Variants in TEX11 observed in about 807,000 individuals in gnomAD.
TEX11 encodes the protein testis-expressed protein 11.
In TEX11, 7 loss-of-function variants were observed where a neutral mutation model predicts 84.4. The ratio of observed to expected loss-of-function variants is 0.08; its 90% confidence interval spans 0.05 to 0.16. The LOEUF is 0.16. Among genes scored for constraint, TEX11 ranks in the 10% least tolerant of loss-of-function variants. The pLI is 1.00. For missense variants in TEX11, 551 were observed against 660.5 expected, an observed-to-expected ratio of 0.83 and a Z score of 1.82; for synonymous variants, 264 against 222.8, an observed-to-expected ratio of 1.18 and a Z score of -1.64.
At chrX:70,868,644 T>C (rs761034654) in intron 4 of TEX11, among the ~76,000 whole-genome samples, 4 of 111,546 alleles carry the variant, frequency 3.6e-5, no homozygotes, top group Non-Finnish European at 7.5e-5. Context: ...TCATCAATGA[T>C]AGACTGGATA....
At chrX:70,653,779 G>A (rs2089834184) in intron 16 of TEX11, among the ~76,000 whole-genome samples, 1 of 111,656 alleles carries the variant, frequency 9.0e-6, no homozygotes, top group Non-Finnish European at 1.9e-5. Context: ...GCCAAAATTT[G>A]GAAGCAACTA....
At chrX:70,781,483 A>G (rs2091038755) in intron 9 of TEX11, among the ~76,000 whole-genome samples, 1 of 112,108 alleles carries the variant, frequency 8.9e-6, no homozygotes, top group Admixed American at 9.5e-5. Flanking sequence ...AGTTCACAGA[A>G]TTAGGCTTCA....
chrX:70,770,792 A>T (rs1414320104), intron 9 of TEX11, among the ~76,000 whole-genome samples: 1 of 111,335 alleles, frequency 9.0e-6, no homozygotes, highest in African/African-American at 3.3e-5. Flanking sequence ...AGAAAGCAAC[A>T]GTATATTTTT....
chrX:70,850,148 T>C (rs936067448), intron 7 of TEX11, among the ~76,000 whole-genome samples: 1 of 112,043 alleles, frequency 8.9e-6, no homozygotes, highest in African/African-American at 3.2e-5. Context: ...TTCCATCCTG[T>C]GGAGTTTAAT....
chrX:70,804,005 A>T (rs57339650), intron 9 of TEX11, among the ~76,000 whole-genome samples: 8,015 of 110,033 alleles, frequency 0.073, 246 homozygotes, highest in East Asian at 0.12. Context: ...TTTTTTTTTT[A>T]ATTGTTCCAA....
At chrX:70,904,363 A>T (rs1456728151) in intron 2 of TEX11, among the ~76,000 whole-genome samples, 2 of 111,655 alleles carry the variant, frequency 1.8e-5, no homozygotes, top group Non-Finnish European at 3.8e-5. Context: ...AACAACACCC[A>T]TGTAAGATGA....
intron 25 of TEX11, among the ~76,000 whole-genome samples, chrX:70,570,046 T>C (rs1042868970): frequency 7.1e-5 from 8 of 112,022 alleles, no homozygotes; most frequent in Non-Finnish European, 1.1e-4. Flanking sequence ...CCTCGAGCTG[T>C]GGTGGGCTCC....
intron 16 of TEX11, among the ~76,000 whole-genome samples, chrX:70,661,031 G>A (rs937748286): frequency 3.6e-5 from 4 of 112,323 alleles, no homozygotes; most frequent in African/African-American, 1.3e-4. Flanking sequence ...GTGGGTGCAG[G>A]ACAGTGGGTG....
chrX:70,853,088 C>T lies in TEX11; in HGVS notation c.471G>A (p.Glu157=). ...AGTGGTCACTCTCAACAGTAATCTT[C>T]TCCATGGTCAAGTCAGCCTCAGGGG... ...RSSPEADLTM[E]KITVESDHFR... Residue 157 remains glutamate (E), a synonymous_variant, in exon 7 of 30, where the codon GAG becomes GAA. Coordinates refer to ENST00000374333, the MANE Select transcript of TEX11 (RefSeq NM_031276.3). 8.3e-7 allele frequency: 1 copy of T among 1,208,908 alleles called. No homozygotes were observed. Among genetic ancestry groups the T allele is most frequent in the Non-Finnish European group, 1.1e-6 (1 of 893,758 alleles).
At chrX:70,715,175 T>C (rs1167089857) in intron 13 of TEX11, among the ~76,000 whole-genome samples, 1 of 109,349 alleles carries the variant, frequency 9.1e-6, no homozygotes, top group Non-Finnish European at 1.9e-5. Flanking sequence ...GTTAGTCTGA[T>C]GGGCTTCCCT....
downstream of TEX11, among the ~76,000 whole-genome samples, chrX:70,527,292 G>T (rs1212864201): frequency 1.8e-5 from 2 of 112,057 alleles, no homozygotes; most frequent in Non-Finnish European, 3.8e-5. Flanking sequence ...ACTTTACATT[G>T]GAGAGACCTG....
chrX:70,562,019 C>T (rs1252434749), intron 25 of TEX11, among the ~76,000 whole-genome samples: 1 of 111,976 alleles, frequency 8.9e-6, no homozygotes, highest in African/African-American at 3.2e-5. Flanking sequence ...CTATCCACTA[C>T]CTCAGTTCAC....
Position 70,696,571 on chromosome X carries a change from C to A in TEX11, c.1005-13746G>T, listed in dbSNP as rs191780259. On this transcript the variant is annotated intron_variant, in intron 13 of 29. Transcript: ENST00000374333. ...TCGCTTGAGCCCAGGAGCTCAAGACCAGCCTGGGCAACACAGTGAGACCCT... is the reference window on the plus strand; with the variant it reads ...TCGCTTGAGCCCAGGAGCTCAAGACAAGCCTGGGCAACACAGTGAGACCCT... Among the ~76,000 whole-genome samples, 825 of 110,817 alleles carry A rather than the reference C, an allele frequency of 7.4e-3. 7 individuals are homozygous for A. The highest frequency in any genetic ancestry group is 0.025 in the African/African-American group (774 of 30,459).
intron 24 of TEX11, among the ~76,000 whole-genome samples, chrX:70,599,338 AAT>A (rs2089057044): frequency 8.9e-6 from 1 of 111,851 alleles, no homozygotes; most frequent in Non-Finnish European, 1.9e-5. Flanking sequence ...TTACAATTAG[AAT>A]ATGTTTTTTA....
At chrX:70,646,773 G>A (rs2089747264) in intron 17 of TEX11, among the ~76,000 whole-genome samples, 1 of 112,187 alleles carries the variant, frequency 8.9e-6, no homozygotes, top group Non-Finnish European at 1.9e-5. Flanking sequence ...CTTGCATATT[G>A]TAGGTGGGAA....
At chrX:70,859,781 C>A (rs1174004155) in intron 5 of TEX11, among the ~76,000 whole-genome samples, 2 of 110,531 alleles carry the variant, frequency 1.8e-5, no homozygotes, top group Admixed American at 1.9e-4. Flanking sequence ...TTTGGGAGGC[C>A]AAGGTGAGCA....
intron 11 of TEX11, among the ~76,000 whole-genome samples, chrX:70,725,729 G>A (rs1192053385): frequency 8.9e-6 from 1 of 112,073 alleles, no homozygotes; most frequent in African/African-American, 3.2e-5. Context: ...AATAGAAAAT[G>A]TATTGTCTTT....
At chrX:70,719,245 T>C (rs1453800308) in intron 13 of TEX11, among the ~76,000 whole-genome samples, 1 of 112,339 alleles carries the variant, frequency 8.9e-6, no homozygotes, top group East Asian at 2.8e-4. Flanking sequence ...ATTAATACAC[T>C]GAAGTTTTTT....
At chrX:70,861,115 G>C (rs1443814503) in intron 4 of TEX11, among the ~76,000 whole-genome samples, 179 bp from the exon 5 acceptor site, 1 of 97,006 alleles carries the variant, frequency 1.0e-5, no homozygotes, top group African/African-American at 3.8e-5. Context: ...AGGCTGGAGT[G>C]CAGTGGCGGG....
Sources: gnomAD v4.1 joint callset for allele counts (sites outside exome capture counted in the v4.1 genomes callset) on GRCh38, gnomAD v4.1.1 for gene constraint, MANE v1.5 for transcripts, NCBI Gene and HGNC (gene_info 2026-07-23, HGNC 2026-07-21) for gene names.